DCHS1: variants seen among roughly 807,000 people sequenced by gnomAD.
DCHS1 encodes dachsous cadherin-related 1.
A neutral mutation model predicts 213.9 loss-of-function variants in DCHS1; 78 were observed. The ratio of observed to expected loss-of-function variants is 0.36; its 90% CI spans 0.30 to 0.44. DCHS1 has a LOEUF of 0.44. Among genes scored for constraint, DCHS1 ranks in the 20% least tolerant of loss-of-function variants. The probability of loss-of-function intolerance (pLI) is 1.00; values close to 1 mark genes in which losing one functional copy is unlikely to be tolerated. For missense variants in DCHS1, 3,946 were observed against 4,395.9 expected (o/e 0.90, Z 2.89); for synonymous variants, 1,828 against 1,873.7 (o/e 0.98, Z 0.63).
Position 6,625,594 on chromosome 11 carries a change from C to T in DCHS1, c.6862+3G>A, listed in dbSNP as rs372790879. 60 of 1,613,516 alleles carry T rather than the reference C, an allele frequency of 3.7e-5. No homozygotes were observed. In the African/African-American group the frequency reaches 6.0e-4, roughly 16 times the overall value. On this transcript the variant is annotated splice_donor_region_variant and intron_variant, in intron 18 of 20. Coordinates refer to ENST00000299441, the MANE Select transcript of DCHS1 (RefSeq NM_003737.4). This position sits in a 1 kb window ranked among gnomAD's most constrained non-coding sequence, Gnocchi z 5.3. ...TTATGCCACCCACTTTACCCAGCCT[C>T]ACCTTCTGACACTCGGAGCTCCCAG...
At chr11:6,629,026 A>G (rs1438825614) in intron 12 of DCHS1, among the ~76,000 whole-genome samples, 196 bp from the exon 13 acceptor site, 1 of 152,204 alleles carries the variant, frequency 6.6e-6, no homozygotes, top group Admixed American at 6.5e-5. Context: ...TGCATGCAAG[A>G]TATATCTTGG....
chr11:6,631,258 A>G, intron 8 of DCHS1, 48 bp from the exon 9 acceptor site: 1 of 1,613,682 alleles, frequency 6.2e-7, no homozygotes, highest in Non-Finnish European at 8.5e-7. Context: ...AGAGCTGGGC[A>G]GGCCATGAGG....
chr11:6,622,310 G>T lies in DCHS1; in HGVS notation c.9366C>A (p.Gly3122=). The change falls in exon 21 of 21, where the codon GGC becomes GGA. Residue 3122 remains glycine (G), a synonymous_variant. Transcript: ENST00000299441. This position sits in a 1 kb window ranked among gnomAD's most constrained non-coding sequence, Gnocchi z 5.4. ...CAGTGGGTGCAGGGCTCAGGCCACAGCCCCCCAGGAAGGCTGTGGCAGTGG... is the reference window on the plus strand; with the variant it reads ...CAGTGGGTGCAGGGCTCAGGCCACATCCCCCCAGGAAGGCTGTGGCAGTGG... The part of the protein sequence containing the change: ...PPATATAFLG[G]CGLSPAPTGD... 1 of 1,606,188 alleles carries T rather than the reference G, an allele frequency of 6.2e-7. No homozygotes were observed. The highest frequency in any genetic ancestry group is 8.5e-7 in the Non-Finnish European group (1 of 1,176,630).
Position 6,624,353 on chromosome 11 carries a change from G to T in DCHS1, c.7323C>A (p.Gly2441=). 1 of 1,576,952 alleles carries T rather than the reference G, an allele frequency of 6.3e-7. No homozygotes were observed. The highest frequency in any genetic ancestry group is 8.6e-7 in the Non-Finnish European group (1 of 1,161,530). ...LFTIVGTVAL[G]HDGSGAVDVV... is the part of the protein sequence containing the mutation. ...CATCCACTGCTCCTGACCCGTCATG[G>T]CCCAAGGCCACTGTTCCCACTATTG... Residue 2441 remains glycine, a synonymous_variant, in exon 21 of 21, where the codon GGC becomes GGA. Transcript: ENST00000299441.
At position 6,624,907 on chromosome 11, in the gene DCHS1, A is replaced by G. The variant is rs749114081; in HGVS notation, c.7147-39T>C. ...AAAAGTGCTTATTGCCAGGCTTCCC[A>G]TTTGCCCTGCTGTCCATGCAGCCTG... On this transcript the variant is annotated intron_variant, in intron 19 of 20. Coordinates refer to ENST00000299441, the MANE Select transcript of DCHS1 (RefSeq NM_003737.4). 7 of 1,610,484 alleles carry G rather than the reference A, an allele frequency of 4.3e-6. No individual in the cohort carries two copies. The East Asian group carries it at 1.1e-4, about 26-fold the overall frequency.
Position 6,634,251 on chromosome 11 carries a change from C to A in DCHS1, c.1853G>T (p.Gly618Val). The A allele has an allele frequency of 6.2e-7, 1 of 1,613,574 alleles. No individual in the cohort carries two copies. Among genetic ancestry groups the A allele is most frequent in the Admixed American group, 1.7e-5 (1 of 59,968 alleles). ...AGATCCGGAGGACCCAAGTCCAGCA[C>A]CCAAGGAATAGGAGAGGAGGCCAAA... is the stretch of plus-strand genomic sequence containing the variant. ...GPFGLLSYSL[G>V]AGLGSSGSPP... The change falls in exon 3 of 21, where the codon GGT becomes GTT. Residue 618 changes from glycine to valine, a missense_variant. This residue lies in a region of DCHS1 where 3,384 missense variants were observed against 3,780.1 expected (regional missense o/e 0.90). Coordinates refer to ENST00000299441, the MANE Select transcript of DCHS1 (RefSeq NM_003737.4).
Position 6,622,471 on chromosome 11 carries a change from T to C in DCHS1, c.9205A>G (p.Ile3069Val). ...SLAARGPDSG[I>V]QQDADGLSDT... is the part of the protein sequence containing the mutation. ...CTCAGACCATCTGCATCCTGCTGGA[T>C]GCCTGAGTCAGGGCCACGGGCAGCC... is the stretch of plus-strand genomic sequence containing the variant. Residue 3069 changes from isoleucine (I) to valine (V), a missense_variant, in exon 21 of 21, where the codon ATC (isoleucine) becomes GTC (valine). Ile to Val is a conservative substitution (Grantham distance 29). Transcript: ENST00000299441. The surrounding 1 kb of genome is among the most constrained non-coding windows in gnomAD (Gnocchi z 5.4). The C allele has an allele frequency of 1.3e-6, 2 of 1,567,236 alleles. No homozygotes were observed. Among genetic ancestry groups the C allele is most frequent in the Non-Finnish European group, 1.7e-6 (2 of 1,155,942 alleles).
At chr11:6,652,255 T>C (rs1255841825) in intron 1 of DCHS1, among the ~76,000 whole-genome samples, 5 of 152,108 alleles carry the variant, frequency 3.3e-5, no homozygotes, top group Non-Finnish European at 7.4e-5. Flanking sequence ...TGGTCAATAA[T>C]GTCAGCTCCT....
chr11:6,623,223 A>G lies in DCHS1; in HGVS notation c.8453T>C (p.Phe2818Ser). The G allele has an allele frequency of 6.3e-7, 1 of 1,596,592 alleles. No individual in the cohort carries two copies. The highest frequency in any genetic ancestry group is 8.5e-7 in the Non-Finnish European group (1 of 1,171,356). The change falls in exon 21 of 21, where the codon TTC (phenylalanine) becomes TCC (serine). Residue 2818 changes from phenylalanine (F) to serine (S), a missense_variant. This residue lies in a region of DCHS1 where 3,384 missense variants were observed against 3,780.1 expected (regional missense o/e 0.90). Coordinates refer to ENST00000299441, the MANE Select transcript of DCHS1 (RefSeq NM_003737.4). Reference sequence around the variant, plus strand: ...GGCACCTTCGGGCACTTGGAAGTGGAAAGCTGGTGCCAGAAATACAGGGTC... The same window carrying G: ...GGCACCTTCGGGCACTTGGAAGTGGGAAGCTGGTGCCAGAAATACAGGGTC... ...EYDPVFLAPAFHFQVPEGARR... is the reference protein window; with the variant it reads ...EYDPVFLAPASHFQVPEGARR...
Position 6,623,413 on chromosome 11 carries a change from G to A in DCHS1, c.8263C>T (p.Arg2755Cys), listed in dbSNP as rs200795986. 4.5e-5 allele frequency: 71 copies of A among 1,591,276 alleles called. No homozygotes were observed. The highest frequency in any genetic ancestry group is 2.3e-5 in the East Asian group (1 of 43,486). The change falls in exon 21 of 21, where the codon CGT (arginine) becomes TGT (cysteine). Residue 2755 changes from arginine (R) to cysteine (C), a missense_variant. Physicochemically the swap from Arg to Cys is radical, Grantham distance 180. This residue lies in a region of DCHS1 where 3,384 missense variants were observed against 3,780.1 expected (regional missense o/e 0.90). Transcript: ENST00000299441. Reference sequence around the variant, plus strand: ...GAGCTGTTCAGTGCAAATGCCTCACGGCCCTCAGGTCCTGGCCCAGCCTCC... The same window carrying A: ...GAGCTGTTCAGTGCAAATGCCTCACAGCCCTCAGGTCCTGGCCCAGCCTCC... The part of the protein sequence containing the change: ...LLEAGPGPEG[R>C]EAFALNSSTG...
Position 6,623,667 on chromosome 11 carries a change from T to C in DCHS1, c.8009A>G (p.Gln2670Arg), listed in dbSNP as rs751092223. The C allele has an allele frequency of 1.2e-6, 2 of 1,613,836 alleles. No individual in the cohort carries two copies. The highest frequency in any genetic ancestry group is 1.7e-6 in the Non-Finnish European group (2 of 1,179,896). ...RLAHALDCETQARHQLVVQAA... is the reference protein window; with the variant it reads ...RLAHALDCETRARHQLVVQAA... ...CTGTACTACAAGCTGATGTCGAGCC[T>C]GGGTCTCACAGTCCAGGGCATGGGC... The change falls in exon 21 of 21, where the codon CAG (glutamine) becomes CGG (arginine). Residue 2670 changes from glutamine to arginine, a missense_variant. Physicochemically the swap from Gln to Arg is conservative, Grantham distance 43. This residue lies in a region of DCHS1 where 3,384 missense variants were observed against 3,780.1 expected (regional missense o/e 0.90). Transcript: ENST00000299441.
Position 6,626,330 on chromosome 11 carries a change from G to T in DCHS1, c.6415C>A (p.Arg2139=). 6.2e-7 allele frequency: 1 copy of T among 1,613,524 alleles called. No homozygotes were observed. The highest frequency in any genetic ancestry group is 8.5e-7 in the Non-Finnish European group (1 of 1,179,696). ...AEGLDFEVSP[R]LRLVLQAESG... Reference sequence around the variant, plus strand: ...TCTGCCTGCAGCACCAGTCGCAGCCGTGGACTCACCTCGAAGTCTAGCCCC... The same window carrying T: ...TCTGCCTGCAGCACCAGTCGCAGCCTTGGACTCACCTCGAAGTCTAGCCCC... Residue 2139 remains arginine (R), a synonymous_variant, in exon 16 of 21, where the codon CGG becomes AGG. Transcript: ENST00000299441. This position sits in a 1 kb window ranked among gnomAD's most constrained non-coding sequence, Gnocchi z 5.2.
At chr11:6,647,408 A>T (rs1856178770) in intron 1 of DCHS1, among the ~76,000 whole-genome samples, 1 of 152,156 alleles carries the variant, frequency 6.6e-6, no homozygotes, top group Non-Finnish European at 1.5e-5. Context: ...GCTTCCCTGG[A>T]TATCCCTGGG....
Position 6,655,594 on chromosome 11 carries a change from C to A in DCHS1, c.-152G>T. 2 of 980,054 alleles carry A rather than the reference C, an allele frequency of 2.0e-6. No homozygotes were observed. The highest frequency in any genetic ancestry group is 2.4e-6 in the Non-Finnish European group (2 of 827,926). The allele number at this position is 980,054 out of a possible 1,614,324, so 60.7% of individuals were successfully genotyped here. ...GCGACGCGGGCTCCCTCGCCCGGTGCTGGGGCGCCGTCCGGCCGCGGTCAG... is the reference window on the plus strand; with the variant it reads ...GCGACGCGGGCTCCCTCGCCCGGTGATGGGGCGCCGTCCGGCCGCGGTCAG... On this transcript the variant is annotated 5_prime_UTR_variant, in exon 1 of 21. Coordinates refer to ENST00000299441, the MANE Select transcript of DCHS1 (RefSeq NM_003737.4).
Position 6,622,098 on chromosome 11 carries a change from C to A in DCHS1, c.9578G>T (p.Cys3193Phe), listed in dbSNP as rs1465045788. The change falls in exon 21 of 21, where the codon TGT (cysteine) becomes TTT (phenylalanine). Residue 3193 changes from cysteine to phenylalanine, a missense_variant. Physicochemically the swap from Cys to Phe is radical, Grantham distance 205 (BLOSUM62 -2). Transcript: ENST00000299441. The surrounding 1 kb of genome is among the most constrained non-coding windows in gnomAD (Gnocchi z 5.4). ...TGGGTCGATACGGGGAGCTGGGGGA[C>A]ATGGCCGAGCTTCATCCTTGAGCCG... The part of the protein sequence containing the change: ...IARLKDEARP[C>F]PPAPRIDPPP... The A allele has an allele frequency of 1.9e-6, 3 of 1,613,196 alleles. No homozygotes were observed. The South Asian group carries it at 3.3e-5, about 18-fold the overall frequency.
At chr11:6,642,547 G>C (rs1856094667) in intron 1 of DCHS1, among the ~76,000 whole-genome samples, 1 of 141,114 alleles carries the variant, frequency 7.1e-6, no homozygotes. Flanking sequence ...ACAGAAAGGA[G>C]AAAAGGACAT....
intron 2 of DCHS1, among the ~76,000 whole-genome samples, chr11:6,639,309 C>A (rs72911040): frequency 6.6e-6 from 1 of 152,140 alleles, no homozygotes; most frequent in African/African-American, 2.4e-5. Flanking sequence ...CCCTGAGAGG[C>A]CTTCCTGCTC....
intron 1 of DCHS1, among the ~76,000 whole-genome samples, chr11:6,651,183 AAC>A (rs1856237599): frequency 6.6e-6 from 1 of 152,328 alleles, no homozygotes; most frequent in Non-Finnish European, 1.5e-5. Context: ...ACAACAACGA[AAC>A]ACAGAGTTCA....
chr11:6,621,735 G>T lies in DCHS1; in HGVS notation c.*44C>A. The T allele has an allele frequency of 1.3e-6, 2 of 1,544,064 alleles. No homozygotes were observed. The highest frequency in any genetic ancestry group is 1.7e-6 in the Non-Finnish European group (2 of 1,146,650). ...AGGCTCAGAGTGGGGCCTGCGTTGG[G>T]GACACTGTGCGCATCCCAGGTCGGG... On this transcript the variant is annotated 3_prime_UTR_variant, in exon 21 of 21. Transcript: ENST00000299441.
Sources: allele counts gnomAD v4.1 joint callset (sites outside exome capture counted in the v4.1 genomes callset), GRCh38; gene constraint gnomAD v4.1.1; regional missense constraint gnomAD v4.1.1; non-coding constraint Gnocchi (gnomAD v3.1); transcripts MANE v1.5; gene names NCBI Gene and HGNC (gene_info 2026-07-23, HGNC 2026-07-21).